Variants in WDR88 observed in about 807,000 individuals in gnomAD.
WDR88 encodes the protein WD repeat-containing protein 88.
A neutral mutation model predicts 46.8 loss-of-function variants in WDR88; 40 were observed. The ratio of observed to expected loss-of-function variants is 0.86; its 90% CI spans 0.66 to 1.11. The LOEUF (loss-of-function observed/expected upper bound fraction) is 1.11, where lower values mean the gene tolerates loss of function less well. Among genes scored for constraint, WDR88 ranks in the 50% most tolerant of loss-of-function variants. The pLI is 0.00. For missense variants in WDR88, 562 were observed against 602.4 expected, an observed-to-expected ratio of 0.93 and a Z score of 0.70; for synonymous variants, 235 against 240.7, an observed-to-expected ratio of 0.98 and a Z score of 0.22.
intron 7 of WDR88, among the ~76,000 whole-genome samples, chr19:33,159,758 C>G (rs1484969055): frequency 6.6e-6 from 1 of 152,078 alleles, no homozygotes; most frequent in East Asian, 1.9e-4. Flanking sequence ...CAAATGGGAG[C>G]TGTGGAGGAT....
chr19:33,160,708 GGC>G (rs1351296203), intron 8 of WDR88, among the ~76,000 whole-genome samples: 1 of 152,222 alleles, frequency 6.6e-6, no homozygotes, highest in Non-Finnish European at 1.5e-5. Flanking sequence ...TGGGGACAGA[GGC>G]GGGGGACCCA....
intron 9 of WDR88, among the ~76,000 whole-genome samples, chr19:33,168,895 T>C (rs1973994910): frequency 6.6e-6 from 1 of 152,156 alleles, no homozygotes; most frequent in Admixed American, 6.6e-5. Flanking sequence ...TAAAACAGTG[T>C]AGTTCTGGCA....
rs541540968 is a variant in WDR88, at chr19:33,151,090, G to A, written c.680-91G>A. ...CTGATGAAAACTGGAATTGTGTTTT[G>A]TAATCGTCACTGGCTGGGGAAGTCG... On this transcript the variant is annotated intron_variant, in intron 5 of 10. Coordinates refer to ENST00000355868, the MANE Select transcript of WDR88 (RefSeq NM_173479.4). 55 of 1,438,244 alleles carry A rather than the reference G, an allele frequency of 3.8e-5. No individual in the cohort carries two copies. In the East Asian group the frequency reaches 1.3e-3, roughly 34 times the overall value. The allele number at this position is 1,438,244 out of a possible 1,614,324, so 89.1% of individuals were successfully genotyped here.
chr19:33,175,437 C>T lies in WDR88; in HGVS notation c.1284C>T (p.Asp428=). 1 of 1,614,184 alleles carries T rather than the reference C, an allele frequency of 6.2e-7. No individual in the cohort carries two copies. The highest frequency in any genetic ancestry group is 1.1e-5 in the South Asian group (1 of 91,078). The change falls in exon 11 of 11, where the codon GAC becomes GAT. Residue 428 remains aspartate (D), a synonymous_variant. Transcript: ENST00000355868. ...GGCCTTTCTCCATCTTCAAGAGTGA[C>T]ACCTCTTCTGAAATGTTCACCCAAT... ...CDRPFSIFKS[D]TSSEMFTQCV... is the part of the protein sequence containing the mutation.
At chr19:33,132,536 A>C (rs1204922736) in intron 1 of WDR88, 91 bp downstream of exon 1, 3 of 1,528,362 alleles carry the variant, frequency 2.0e-6, no homozygotes, top group Middle Eastern at 2.0e-4. Context: ...TGGAAAACCC[A>C]CCTGGCTTCA....
chr19:33,151,125 T>A, intron 5 of WDR88, 56 bp from the exon 6 acceptor site: 1 of 1,578,746 alleles, frequency 6.3e-7, no homozygotes, highest in African/African-American at 1.3e-5. Context: ...GTGGGAGTCC[T>A]CCAGCCCAGC....
chr19:33,156,291 G>T, intron 6 of WDR88, 64 bp from the exon 7 acceptor site: 1 of 1,531,496 alleles, frequency 6.5e-7, no homozygotes, highest in Non-Finnish European at 8.9e-7. Flanking sequence ...CCCGGCTTTA[G>T]GTATGTCTTC....
At chr19:33,156,260 G>T in intron 6 of WDR88, 95 bp from the exon 7 acceptor site, 2 of 1,318,836 alleles carry the variant, frequency 1.5e-6, no homozygotes, top group South Asian at 1.4e-5. Flanking sequence ...GCCCGACCAT[G>T]AGCTCACAGG....
chr19:33,172,399 G>C lies in WDR88; in HGVS notation c.1201G>C (p.Val401Leu). ...NIEEIDEIPLVIKYKKAVGLK... is the reference protein window; with the variant it reads ...NIEEIDEIPLLIKYKKAVGLK... ...TGAAGAAATTGATGAAATTCCTTTGGTAATCAAGTACAAAAAGGCCGTGGG... is the reference window on the plus strand; with the variant it reads ...TGAAGAAATTGATGAAATTCCTTTGCTAATCAAGTACAAAAAGGCCGTGGG... Residue 401 changes from valine (V) to leucine (L), a missense_variant, in exon 10 of 11, where the codon GTA becomes CTA. Coordinates refer to ENST00000355868, the MANE Select transcript of WDR88 (RefSeq NM_173479.4). The C allele has an allele frequency of 1.2e-6, 2 of 1,614,094 alleles. No individual in the cohort carries two copies. Among genetic ancestry groups the C allele is most frequent in the Non-Finnish European group, 1.7e-6 (2 of 1,180,012 alleles).
In WDR88 at chr19:33,175,030, T is replaced by C. The variant is rs1463989341; in HGVS notation, c.1243-366T>C. The C allele has an allele frequency of 4.1e-6, 4 of 980,194 alleles. No individual in the cohort carries two copies. In the African/African-American group the frequency reaches 5.3e-5, roughly 13 times the overall value. 60.7% of individuals were successfully genotyped at this position (980,194 alleles called of 1,614,324 possible). A position where few individuals can be genotyped will look rare whatever the true frequency, so the allele number is the denominator to read the frequency against. On this transcript the variant is annotated intron_variant, in intron 10 of 10. Transcript: ENST00000355868. The stretch of plus-strand genomic sequence containing the variant: ...TGGGTGGATCACTTGAGGCCAGGAG[T>C]TCAAGACCAGCCTGGCCAACATGGA...
chr19:33,132,357 T>C lies in WDR88; in HGVS notation c.188T>C (p.Leu63Ser). 1 of 1,614,068 alleles carries C rather than the reference T, an allele frequency of 6.2e-7. No individual in the cohort carries two copies. The highest frequency in any genetic ancestry group is 2.2e-5 in the East Asian group (1 of 44,872). Residue 63 changes from leucine (L) to serine (S), a missense_variant, in exon 1 of 11, where the codon TTG becomes TCG. Transcript: ENST00000355868. ...CTGGCCACCCTCGACCCCCTGGCCTTGGACAGGGAACCACCACCGCATCTG... is the reference window on the plus strand; with the variant it reads ...CTGGCCACCCTCGACCCCCTGGCCTCGGACAGGGAACCACCACCGCATCTG... ...HLLATLDPLA[L>S]DREPPPHLLP... is the part of the protein sequence containing the mutation.
chr19:33,172,712 G>A (rs1974058568), intron 10 of WDR88, among the ~76,000 whole-genome samples: 1 of 152,088 alleles, frequency 6.6e-6, no homozygotes, highest in Non-Finnish European at 1.5e-5. Flanking sequence ...GATTTTAAAG[G>A]GTGGTCAGGA....
intron 7 of WDR88, among the ~76,000 whole-genome samples, chr19:33,157,906 G>A (rs1256404338): frequency 1.3e-5 from 2 of 151,324 alleles, no homozygotes; most frequent in African/African-American, 2.4e-5. Context: ...AATCACTTAG[G>A]GGGCAACGAA....
At chr19:33,165,688 T>TC (rs1434627642) in intron 9 of WDR88, among the ~76,000 whole-genome samples, 2 of 150,554 alleles carry the variant, frequency 1.3e-5, no homozygotes, top group Admixed American at 6.6e-5. Flanking sequence ...AGGTCAGGAG[T>TC]CCGAGACCAG....
chr19:33,152,611 T>C (rs1269255647), intron 6 of WDR88, among the ~76,000 whole-genome samples: 1 of 152,076 alleles, frequency 6.6e-6, no homozygotes, highest in Non-Finnish European at 1.5e-5. Flanking sequence ...CATTCCTTTT[T>C]TTTCCTTTGA....
At chr19:33,146,027 C>T (rs908925751) in intron 3 of WDR88, among the ~76,000 whole-genome samples, 3 of 151,872 alleles carry the variant, frequency 2.0e-5, no homozygotes, top group African/African-American at 7.3e-5. Flanking sequence ...TGTAGAGATC[C>T]CTTTAGGAGA....
intron 2 of WDR88, among the ~76,000 whole-genome samples, chr19:33,138,738 T>C (rs1413262222): frequency 1.4e-5 from 2 of 144,658 alleles, no homozygotes; most frequent in African/African-American, 5.2e-5. Context: ...GGCTGGAGTA[T>C]AGTGCCACGA....
At chr19:33,165,807 T>C (rs10410714) in intron 9 of WDR88, among the ~76,000 whole-genome samples, 31,407 of 150,258 alleles carry the variant, frequency 0.21, 4,733 homozygotes, top group African/African-American at 0.4. Flanking sequence ...GCAGGAGAAT[T>C]GCTTGAACCC....
chr19:33,168,030 T>C (rs2145420734), intron 9 of WDR88, among the ~76,000 whole-genome samples: 1 of 142,658 alleles, frequency 7.0e-6, no homozygotes, highest in Admixed American at 7.5e-5. Flanking sequence ...AATGATTTCT[T>C]TCTTTTTTTT....
Sources: gnomAD v4.1 joint callset for allele counts (sites outside exome capture counted in the v4.1 genomes callset) on GRCh38, gnomAD v4.1.1 for gene constraint, MANE v1.5 for transcripts, NCBI Gene and HGNC (gene_info 2026-07-23, HGNC 2026-07-21) for gene names.